RPS6KA2: variants seen among roughly 807,000 people sequenced by gnomAD.
The protein encoded by RPS6KA2 is ribosomal protein S6 kinase A2.
Under a neutral mutation model 91.8 loss-of-function variants are expected in RPS6KA2, and 42 were observed. The observed-to-expected ratio is 0.46, with a 90% CI of 0.36 to 0.59. RPS6KA2 has a LOEUF of 0.59. Ranked by LOEUF, RPS6KA2 falls within the 20% of genes least tolerant of loss-of-function variation. The probability of loss-of-function intolerance (pLI) is 0.00; values close to 1 mark genes in which losing one functional copy is unlikely to be tolerated. For synonymous variants in RPS6KA2, 414 were observed against 393.6 expected (o/e 1.05, Z -0.61); for missense variants, 798 against 978.5 (o/e 0.82, Z 2.46).
chr6:166,705,948 C>T (rs1395471363), intron 2 of RPS6KA2, among the ~76,000 whole-genome samples: 1 of 152,062 alleles, frequency 6.6e-6, no homozygotes, highest in Non-Finnish European at 1.5e-5. Flanking sequence ...ATAAAAGAGA[C>T]CTTATGAAAG....
chr6:166,550,919 T>C (rs569899891), intron 1 of RPS6KA2, among the ~76,000 whole-genome samples: 1 of 145,168 alleles, frequency 6.9e-6, no homozygotes, highest in East Asian at 2.2e-4. Flanking sequence ...CGGAATCGCT[T>C]GAACCTGGGA....
intron 11 of RPS6KA2, among the ~76,000 whole-genome samples, chr6:166,468,856 T>TCCGTCTCAAAAAAA (rs567161437): frequency 8.9e-6 from 1 of 112,184 alleles, no homozygotes; most frequent in Non-Finnish European, 1.8e-5. Context: ...AGAGCGAGAC[T>TCCGTCTCAAAAAAA]AAAAAAAAAA....
chr6:166,428,170 C>G (rs1468410249), intron 16 of RPS6KA2, among the ~76,000 whole-genome samples: 5 of 152,018 alleles, frequency 3.3e-5, no homozygotes, highest in Admixed American at 1.3e-4. Flanking sequence ...ACTATCTGAT[C>G]TTTGACAAAC....
intron 2 of RPS6KA2, among the ~76,000 whole-genome samples, chr6:166,831,914 A>G (rs9364873): frequency 1.4e-4 from 4 of 29,438 alleles, no homozygotes; most frequent in Non-Finnish European, 5.1e-4. Context: ...ATGGATGGAT[A>G]GATAGACAGA....
chr6:166,681,140 C>G (rs1009582120), intron 2 of RPS6KA2, among the ~76,000 whole-genome samples: 1 of 152,224 alleles, frequency 6.6e-6, no homozygotes, highest in Non-Finnish European at 1.5e-5. Flanking sequence ...GAGCACAGAT[C>G]TAGCCACAAC....
intron 2 of RPS6KA2, among the ~76,000 whole-genome samples, chr6:166,680,996 T>A (rs866546556): frequency 6.6e-6 from 1 of 152,232 alleles, no homozygotes; most frequent in Non-Finnish European, 1.5e-5. Flanking sequence ...TGAGGACTGC[T>A]CTTTTTTAAC....
Position 166,635,635 on chromosome 6 carries a change from T to A in RPS6KA2, c.124-96851A>T, listed in dbSNP as rs559060277. 6.6e-6 allele frequency among the ~76,000 whole-genome samples: 1 copy of A among 152,080 alleles called. No individual in the cohort carries two copies. The highest frequency in any genetic ancestry group is 1.5e-5 in the Non-Finnish European group (1 of 68,014). ...GGCAGAAGAGGGGTGCTAGGTCACA[T>A]GGTAGAGAGCCCCATGGAGTTTACC... On this transcript the variant is annotated intron_variant, in intron 2 of 21. Coordinates refer to the RPS6KA2 transcript ENST00000503859. The surrounding 1 kb of genome is among the most constrained non-coding windows in gnomAD (Gnocchi z 4.8).
chr6:166,768,205 C>T (rs956631435), intron 2 of RPS6KA2, among the ~76,000 whole-genome samples: 4 of 152,176 alleles, frequency 2.6e-5, no homozygotes, highest in African/African-American at 7.2e-5. Flanking sequence ...GGACAAGCTC[C>T]CCCCGTTCTG....
At position 166,430,501 on chromosome 6, in the gene RPS6KA2, G is replaced by A. The variant is rs533724883; in HGVS notation, c.1533C>T (p.Asp511=). ...TGGTCTTGGTGATGGTGCACAGGAC[G>A]TCACTGGCTTCGCGCTCCGAGAAGT... ...QRYFSEREAS[D]VLCTITKTMD... Residue 511 remains aspartate, a synonymous_variant, in exon 16 of 21, where the codon GAC becomes GAT. Transcript: ENST00000265678. 103 of 1,614,158 alleles carry A rather than the reference G, an allele frequency of 6.4e-5. 1 individual carries two copies. In the East Asian group the frequency reaches 1.3e-3, roughly 21 times the overall value.
intron 10 of RPS6KA2, among the ~76,000 whole-genome samples, chr6:166,470,936 G>A (rs968238687): frequency 4.6e-5 from 7 of 152,178 alleles, no homozygotes; most frequent in African/African-American, 1.2e-4. Context: ...CCATCCTCCC[G>A]GGTCACGAAT....
At chr6:166,783,080 A>G (rs1411383281) in intron 2 of RPS6KA2, among the ~76,000 whole-genome samples, 1 of 138,388 alleles carries the variant, frequency 7.2e-6, no homozygotes, top group Non-Finnish European at 1.5e-5. Context: ...TATTATTATT[A>G]TTATTATTAT....
chr6:166,853,164 T>C (rs1780791559), intron 2 of RPS6KA2, among the ~76,000 whole-genome samples: 1 of 152,122 alleles, frequency 6.6e-6, no homozygotes, highest in South Asian at 2.1e-4. Context: ...ACAGGGCAGG[T>C]GTGGTGGCTT....
Position 166,500,047 on chromosome 6 carries a change from G to A in RPS6KA2, c.604+840C>T, listed in dbSNP as rs2128477887. Among the ~76,000 whole-genome samples the A allele has an allele frequency of 6.6e-6, 1 of 152,346 alleles. No individual in the cohort carries two copies. Among genetic ancestry groups the A allele is most frequent in the African/African-American group, 2.4e-5 (1 of 41,578 alleles). ...GAGGCAAGATGCAGTCAGAGAGCTT[G>A]GAAGATGCTGCCTGCTGGCTTCCAC... On this transcript the variant is annotated intron_variant, in intron 7 of 20. Transcript: ENST00000265678. The surrounding 1 kb of genome is among the most constrained non-coding windows in gnomAD (Gnocchi z 4.3).
chr6:166,819,636 T>C (rs562996074), intron 2 of RPS6KA2, among the ~76,000 whole-genome samples: 8 of 152,242 alleles, frequency 5.3e-5, no homozygotes, highest in African/African-American at 1.9e-4. Flanking sequence ...TATAGTCTTT[T>C]GGTAAAAATC....
chr6:166,589,024 G>A (rs181726467), intron 1 of RPS6KA2, among the ~76,000 whole-genome samples: 8 of 152,326 alleles, frequency 5.3e-5, no homozygotes, highest in African/African-American at 1.7e-4. Flanking sequence ...CAGAAAAGGA[G>A]GAAGAAGCTC....
intron 10 of RPS6KA2, among the ~76,000 whole-genome samples, chr6:166,476,138 CGGA>C (rs1356635219): frequency 6.6e-6 from 1 of 152,138 alleles, no homozygotes; most frequent in Non-Finnish European, 1.5e-5. Flanking sequence ...CAGACCCACA[CGGA>C]GGAGAAGGCC....
At chr6:166,537,148 C>T (rs1186413393) in intron 2 of RPS6KA2, among the ~76,000 whole-genome samples, 2 of 152,372 alleles carry the variant, frequency 1.3e-5, no homozygotes, top group African/African-American at 2.4e-5. Flanking sequence ...TCCAGCGCTC[C>T]TTCCCTCCAG....
At chr6:166,685,827 G>A (rs879915220) in intron 2 of RPS6KA2, among the ~76,000 whole-genome samples, 6 of 152,092 alleles carry the variant, frequency 3.9e-5, no homozygotes, top group Admixed American at 1.3e-4. Context: ...CTTGCTCCCC[G>A]GCTAAGCTGG....
intron 14 of RPS6KA2, among the ~76,000 whole-genome samples, chr6:166,439,239 T>C (rs9348134): frequency 0.81 from 123,518 of 152,102 alleles, 51,239 homozygotes; most frequent in Non-Finnish European, 0.91. Context: ...TCCTGAGTAG[T>C]TCGGATTACA....
Sources: gnomAD v4.1 joint callset for allele counts (sites outside exome capture counted in the v4.1 genomes callset) on GRCh38, gnomAD v4.1.1 for gene constraint, Gnocchi (gnomAD v3.1) non-coding constraint, MANE v1.5 for transcripts, NCBI Gene and HGNC (gene_info 2026-07-23, HGNC 2026-07-21) for gene names.